The following CORIN variants were observed in gnomAD, a reference collection of about 807,000 sequenced individuals.
The protein encoded by CORIN is atrial natriuretic peptide-converting enzyme.
In CORIN, 117 loss-of-function variants were observed where a neutral mutation model predicts 125.3. That is an observed-to-expected ratio of 0.93 (90% CI 0.80 to 1.09). CORIN has a LOEUF of 1.09. Ranked by LOEUF, CORIN falls within the 50% of genes least tolerant of loss-of-function variation. CORIN has a pLI of 0.00. For synonymous variants in CORIN, 450 were observed against 466.4 expected, an observed-to-expected ratio of 0.96 and a Z score of 0.45; for missense variants, 1,253 against 1,306.7, an observed-to-expected ratio of 0.96 and a Z score of 0.63.
rs772203714 is a variant in CORIN at position 47,807,920 on chromosome 4, C to A, written c.64-873G>T. Among the ~76,000 whole-genome samples the A allele has an allele frequency of 1.2e-4, 19 of 152,326 alleles. No individual in the cohort carries two copies. The East Asian group carries it at 2.7e-3, about 22-fold the overall frequency. On this transcript the variant is annotated intron_variant, in intron 1 of 21. Transcript: ENST00000273857. The stretch of plus-strand genomic sequence containing the variant: ...ATGAAGGCATTTCTCATGATTCTCT[C>A]TTGGACTTCTGACTGCATTTTCTCC...
At chr4:47,670,096 C>G (rs144470204) in intron 10 of CORIN, among the ~76,000 whole-genome samples, 13 of 152,320 alleles carry the variant, frequency 8.5e-5, no homozygotes, top group African/African-American at 3.1e-4. Flanking sequence ...TGAAGTTAAA[C>G]ACGTTCCCCA....
chr4:47,606,672 CTTTT>C (rs61759674), intron 19 of CORIN, among the ~76,000 whole-genome samples: 15,076 of 150,534 alleles, frequency 0.1, 1,232 homozygotes, highest in East Asian at 0.47. Flanking sequence ...TCCTTCCTTT[CTTTT>C]TCTTTCCTTT....
chr4:47,760,816 T>C (rs1293900092), intron 4 of CORIN, among the ~76,000 whole-genome samples: 1 of 152,234 alleles, frequency 6.6e-6, no homozygotes, highest in African/African-American at 2.4e-5. Flanking sequence ...TCTTTATCAA[T>C]GATCTTAGCT....
In CORIN at chr4:47,674,896, G is replaced by A. The variant is rs114506290; in HGVS notation, c.1250-396C>T. 3.7e-3 allele frequency among the ~76,000 whole-genome samples: 556 copies of A among 152,252 alleles called. 2 individuals carry two copies. The highest frequency in any genetic ancestry group is 0.012 in the African/African-American group (519 of 41,546). ...TGAATATTAAGTGACACTTTTTTAA[G>A]ACTCATTTGCTCCCAATTCTAGTCT... On this transcript the variant is annotated intron_variant, in intron 9 of 21. Coordinates refer to ENST00000273857, the MANE Select transcript of CORIN (RefSeq NM_006587.4).
At chr4:47,696,074 CAA>C (rs1400607710) in intron 5 of CORIN, among the ~76,000 whole-genome samples, 1 of 152,146 alleles carries the variant, frequency 6.6e-6, no homozygotes. Context: ...TCTCTCTAAA[CAA>C]AAGACAAATG....
In CORIN at chr4:47,810,355, C is replaced by T. The variant is rs535396242; in HGVS notation, c.64-3308G>A. Among the ~76,000 whole-genome samples, 10 of 152,110 alleles carry T rather than the reference C, an allele frequency of 6.6e-5. No homozygotes were observed. The East Asian group carries it at 1.4e-3, about 21-fold the overall frequency. Reference sequence around the variant, plus strand: ...GGTATGCACCAAACATCACGCCCAGCTAATTTTTTTGTAGAGACAGGATTT... The same window carrying T: ...GGTATGCACCAAACATCACGCCCAGTTAATTTTTTTGTAGAGACAGGATTT... On this transcript the variant is annotated intron_variant, in intron 1 of 21. Transcript: ENST00000273857.
At chr4:47,781,132 A>T (rs1730526533) in intron 3 of CORIN, among the ~76,000 whole-genome samples, 1 of 152,130 alleles carries the variant, frequency 6.6e-6, no homozygotes, top group African/African-American at 2.4e-5. Flanking sequence ...AAAGACAGAG[A>T]TTGGCAGAAT....
At chr4:47,706,544 G>T in intron 5 of CORIN, 1 of 1,610,860 alleles carries the variant, frequency 6.2e-7, no homozygotes, top group Non-Finnish European at 8.5e-7. Flanking sequence ...GCCAAGCAAG[G>T]TTACGTTATA....
intron 1 of CORIN, among the ~76,000 whole-genome samples, chr4:47,825,329 A>C (rs1223181521): frequency 6.6e-6 from 1 of 152,134 alleles, no homozygotes; most frequent in Non-Finnish European, 1.5e-5. Context: ...CAGGCGAGGT[A>C]TTCTGCCGGG....
At chr4:47,683,899 G>A (rs898871927) in intron 6 of CORIN, 61 bp from the exon 7 acceptor site, 14 of 1,253,858 alleles carry the variant, frequency 1.1e-5, no homozygotes, top group African/African-American at 4.5e-5. Flanking sequence ...ATTGTAGTAC[G>A]ATATTTAACA....
chr4:47,653,673 A>G lies in CORIN; in HGVS notation c.1736-13T>C. On this transcript the variant is annotated splice_polypyrimidine_tract_variant and intron_variant, in intron 12 of 21. Transcript: ENST00000273857. ...CTAGGTGAGCATTCTATTAAAAACA[A>G]TATTACTGTTAAAGGGCTGAAAACC... 6.2e-7 allele frequency: 1 copy of G among 1,605,006 alleles called. No homozygotes were observed. Among genetic ancestry groups the G allele is most frequent in the Non-Finnish European group, 8.5e-7 (1 of 1,172,236 alleles).
rs528229898 is a variant in CORIN at position 47,654,697 on chromosome 4, C to A, written c.1736-1037G>T. ...TTCTGGCAAGCCTTACCACCACAGG[C>A]TAAAGTGTTTTGGGGTCCTTAATAA... On this transcript the variant is annotated intron_variant, in intron 12 of 21. Transcript: ENST00000273857. 5.1e-4 allele frequency among the ~76,000 whole-genome samples: 78 copies of A among 152,294 alleles called. 1 individual carries two copies. In the South Asian group the frequency reaches 0.016, roughly 30 times the overall value.
At chr4:47,768,783 A>C (rs1402152368) in intron 3 of CORIN, among the ~76,000 whole-genome samples, 2 of 152,238 alleles carry the variant, frequency 1.3e-5, no homozygotes, top group Admixed American at 6.5e-5. Flanking sequence ...TCCTTTCATG[A>C]TAAGACCTTC....
chr4:47,757,878 G>GTGTATATA (rs754526773), intron 4 of CORIN, among the ~76,000 whole-genome samples: 77 of 123,914 alleles, frequency 6.2e-4, no homozygotes, highest in African/African-American at 2.4e-3. Context: ...ATATATATAT[G>GTGTATATA]TATATATATA....
chr4:47,695,104 G>A (rs61761803), intron 5 of CORIN, among the ~76,000 whole-genome samples: 38 of 152,174 alleles, frequency 2.5e-4, no homozygotes, highest in Non-Finnish European at 5.3e-4. Context: ...AGAAGATTCC[G>A]CACAGGAGTG....
chr4:47,763,681 T>C (rs1729577097), intron 3 of CORIN, 95 bp from the exon 4 acceptor site: 1 of 1,096,978 alleles, frequency 9.1e-7, no homozygotes. Flanking sequence ...AAAGTATACT[T>C]ATCACAAGAA....
At chr4:47,607,973 C>T (rs1039413420) in intron 19 of CORIN, among the ~76,000 whole-genome samples, 7 of 150,088 alleles carry the variant, frequency 4.7e-5, no homozygotes, top group Non-Finnish European at 7.4e-5. Flanking sequence ...AAAAAAGTAC[C>T]ATTGGAGAAA....
rs1011414029 is a variant in CORIN, at chr4:47,601,305, C to T, written c.2813-958G>A. 2.7e-5 allele frequency among the ~76,000 whole-genome samples: 4 copies of T among 146,452 alleles called. No individual in the cohort carries two copies. In the East Asian group the frequency reaches 8.1e-4, roughly 30 times the overall value. ...AGTCAGATCAGTCAGGTCTTTCTGACTGAATTCAGCAGATCTTTTTTTTTT... is the reference window on the plus strand; with the variant it reads ...AGTCAGATCAGTCAGGTCTTTCTGATTGAATTCAGCAGATCTTTTTTTTTT... On this transcript the variant is annotated intron_variant, in intron 20 of 21. Coordinates refer to ENST00000273857, the MANE Select transcript of CORIN (RefSeq NM_006587.4).
intron 19 of CORIN, among the ~76,000 whole-genome samples, chr4:47,618,464 C>T (rs1722163782): frequency 1.3e-5 from 2 of 151,810 alleles, no homozygotes; most frequent in African/African-American, 4.8e-5. Flanking sequence ...AGTCTAAGGT[C>T]CTAGTGAAAA....
Sources: allele counts gnomAD v4.1 joint callset (sites outside exome capture counted in the v4.1 genomes callset), GRCh38; gene constraint gnomAD v4.1.1; transcripts MANE v1.5; gene names NCBI Gene and HGNC (gene_info 2026-07-23, HGNC 2026-07-21).